The following AFG1L variants were observed in gnomAD, a reference collection of about 807,000 sequenced individuals.
AFG1L encodes the protein AFG1 like ATPase.
AFG1L carries 53 observed loss-of-function variants against 62.2 expected under a neutral mutation model. The ratio of observed to expected loss-of-function variants is 0.85; its 90% CI spans 0.68 to 1.07. AFG1L has a LOEUF of 1.07. AFG1L is among the 50% of genes least tolerant of loss of function. The pLI, the probability that AFG1L is intolerant of heterozygous loss-of-function variation, is 0.00. For missense variants in AFG1L, 555 were observed against 590.5 expected (o/e 0.94, Z 0.62); for synonymous variants, 228 against 210.3 (o/e 1.08, Z -0.73).
At chr6:108,482,797 A>T (rs1773377937) in intron 10 of AFG1L, among the ~76,000 whole-genome samples, 2 of 152,168 alleles carry the variant, frequency 1.3e-5, no homozygotes, top group African/African-American at 4.8e-5. Context: ...ATCAAGTACT[A>T]CTTTCATCAC....
At chr6:108,395,403 C>CTTTTTTTTTTTTTTTTTT (rs71551344) in intron 6 of AFG1L, among the ~76,000 whole-genome samples, 17 of 122,920 alleles carry the variant, frequency 1.4e-4, no homozygotes, top group East Asian at 2.3e-4. Context: ...CTTTTCTTTT[C>CTTTTTTTTTTTTTTTTTT]TTTTTTTTTT....
At chr6:108,474,095 C>T (rs998371676) in intron 8 of AFG1L, among the ~76,000 whole-genome samples, 3 of 152,290 alleles carry the variant, frequency 2.0e-5, no homozygotes, top group Middle Eastern at 3.4e-3. Flanking sequence ...CATGTGTTCT[C>T]ATTGTTCAGC....
intron 8 of AFG1L, among the ~76,000 whole-genome samples, chr6:108,472,211 G>A (rs1287387031): frequency 6.6e-6 from 1 of 152,138 alleles, no homozygotes; most frequent in Non-Finnish European, 1.5e-5. Flanking sequence ...AGGGATGGGG[G>A]TTGAGTGAGG....
chr6:108,405,235 G>A (rs1395321931), intron 7 of AFG1L, among the ~76,000 whole-genome samples: 2 of 152,090 alleles, frequency 1.3e-5, no homozygotes, highest in Non-Finnish European at 2.9e-5. Context: ...CTGATTTTTG[G>A]TATAAGTGAT....
intron 1 of AFG1L, among the ~76,000 whole-genome samples, chr6:108,318,987 G>A (rs1777710234): frequency 1.3e-5 from 2 of 152,200 alleles, no homozygotes; most frequent in Non-Finnish European, 2.9e-5. Context: ...TGTCAGCCTT[G>A]AGTATCTTGC....
At chr6:108,316,329 C>T (rs1300034460) in intron 1 of AFG1L, among the ~76,000 whole-genome samples, 5 of 117,832 alleles carry the variant, frequency 4.2e-5, no homozygotes, top group Non-Finnish European at 8.4e-5. Flanking sequence ...TGCAGTGAGC[C>T]GAGATCCCGC....
chr6:108,517,165 A>G (rs1774929081), intron 11 of AFG1L, among the ~76,000 whole-genome samples: 1 of 152,232 alleles, frequency 6.6e-6, no homozygotes, highest in Non-Finnish European at 1.5e-5. Flanking sequence ...TAAAGTTCAT[A>G]TGGAACCAAA....
At chr6:108,483,022 C>A (rs1364340838) in intron 10 of AFG1L, among the ~76,000 whole-genome samples, 1 of 152,070 alleles carries the variant, frequency 6.6e-6, no homozygotes, top group Non-Finnish European at 1.5e-5. Context: ...TATTAAAATA[C>A]ATTTCCCTCT....
At position 108,522,487 on chromosome 6, in the gene AFG1L, G is replaced by T; in HGVS notation, c.*62G>T. ...GTTAACGCAGGCAGAACTCCTTATT[G>T]TGGGACTTGAAGGAATCATTTTCTC... is the stretch of plus-strand genomic sequence containing the variant. On this transcript the variant is annotated 3_prime_UTR_variant, in exon 13 of 13. Coordinates refer to ENST00000368977, the MANE Select transcript of AFG1L (RefSeq NM_145315.5). 2 of 1,535,502 alleles carry T rather than the reference G, an allele frequency of 1.3e-6. No individual in the cohort carries two copies. The highest frequency in any genetic ancestry group is 2.4e-5 in the South Asian group (2 of 82,714).
intron 11 of AFG1L, among the ~76,000 whole-genome samples, chr6:108,516,185 A>G (rs1774881524): frequency 1.3e-5 from 2 of 152,240 alleles, no homozygotes; most frequent in Non-Finnish European, 2.9e-5. Context: ...AAAGACTGGC[A>G]GAGACACAAC....
intron 1 of AFG1L, among the ~76,000 whole-genome samples, chr6:108,316,699 AT>A (rs1272601894): frequency 2.0e-5 from 3 of 151,454 alleles, no homozygotes; most frequent in Non-Finnish European, 4.4e-5. Flanking sequence ...CGCCTGGCTA[AT>A]TTTTTGTATT....
chr6:108,522,239 G>C lies in AFG1L; in HGVS notation c.1318-58G>C. ...AAAAGTTTTTTTAAACCTATACTTA[G>C]GTTCTGTAAATTTTCATTTGTGATA... On this transcript the variant is annotated intron_variant, in intron 12 of 12. Transcript: ENST00000368977. 4 of 1,564,226 alleles carry C rather than the reference G, an allele frequency of 2.6e-6. No homozygotes were observed. In the South Asian group the frequency reaches 3.4e-5, roughly 13 times the overall value.
At position 108,295,194 on chromosome 6, in the gene AFG1L, GC is replaced by G. The variant is rs1776716826; in HGVS notation, c.119del (p.Pro40LeufsTer17). The part of the protein sequence containing the change: ...WAAALAPLAT[A>X]PGKPFWKAYT... ...CGCCGCTCTCGCTCCTCTGGCCACCGCCCCTGGGAAGCCCTTTTGGAAAGGT... is the reference window on the plus strand; with the variant it reads ...CGCCGCTCTCGCTCCTCTGGCCACCGCCCTGGGAAGCCCTTTTGGAAAGGT... On this transcript the variant is annotated frameshift_variant, in exon 1 of 13. Transcript: ENST00000368977. LOFTEE classifies it high-confidence loss of function. 7 of 1,605,460 alleles carry G rather than the reference GC, an allele frequency of 4.4e-6. No individual in the cohort carries two copies. Among genetic ancestry groups the G allele is most frequent in the Non-Finnish European group, 5.9e-6 (7 of 1,179,746 alleles).
Position 108,522,724 on chromosome 6 carries a change from C to A in AFG1L, c.*299C>A. 5.4e-6 allele frequency: 1 copy of A among 186,248 alleles called. No homozygotes were observed. Among genetic ancestry groups the A allele is most frequent in the Non-Finnish European group, 1.1e-5 (1 of 89,352 alleles). 11.5% of individuals were successfully genotyped at this position (186,248 alleles called of 1,614,324 possible). A position where few individuals can be genotyped will look rare whatever the true frequency, so the allele number is the denominator to read the frequency against. On this transcript the variant is annotated 3_prime_UTR_variant, in exon 13 of 13. Coordinates refer to ENST00000368977, the MANE Select transcript of AFG1L (RefSeq NM_145315.5). Reference sequence around the variant, plus strand: ...CTTCACATTAAACCACCTGAATGAACCTTGAATGCACAAGTAAATGCAAGA... The same window carrying A: ...CTTCACATTAAACCACCTGAATGAAACTTGAATGCACAAGTAAATGCAAGA...
intron 1 of AFG1L, chr6:108,319,820 G>A: frequency 2.3e-6 from 1 of 428,246 alleles, no homozygotes. Flanking sequence ...TTTATTTTGA[G>A]ACATAAGTAA....
intron 6 of AFG1L, among the ~76,000 whole-genome samples, chr6:108,400,809 AAT>A (rs1176728893): frequency 4.1e-5 from 1 of 24,184 alleles, no homozygotes; most frequent in East Asian, 4.9e-4. Flanking sequence ...ATATATAATA[AAT>A]ATATATAATA....
chr6:108,502,737 T>C (rs973449523), intron 10 of AFG1L, among the ~76,000 whole-genome samples: 6 of 152,240 alleles, frequency 3.9e-5, no homozygotes, highest in Admixed American at 2.6e-4. Context: ...TGAACTTTGC[T>C]GTACAATGGA....
At chr6:108,373,004 T>A (rs1780079031) in intron 6 of AFG1L, 1 of 152,262 alleles carries the variant, frequency 6.6e-6, no homozygotes, top group Non-Finnish European at 1.5e-5. Flanking sequence ...CCTAGATTTT[T>A]ATTTTTATTT....
At position 108,519,749 on chromosome 6, in the gene AFG1L, A is replaced by G. The variant is rs1293835946; in HGVS notation, c.1256A>G (p.Gln419Arg). The change falls in exon 12 of 13, where the codon CAA becomes CGA. Residue 419 changes from glutamine to arginine, a missense_variant. Coordinates refer to ENST00000368977, the MANE Select transcript of AFG1L (RefSeq NM_145315.5). ...STPISSLFLHQHHDSELEQSR... is the reference protein window; with the variant it reads ...STPISSLFLHRHHDSELEQSR... ...CCTATATCAAGCTTATTTTTGCATC[A>G]ACATCATGACAGTGAGTTGGAGCAA... The G allele has an allele frequency of 6.2e-7, 1 of 1,613,448 alleles. No individual in the cohort carries two copies. Among genetic ancestry groups the G allele is most frequent in the Non-Finnish European group, 8.5e-7 (1 of 1,179,760 alleles).
Sources: gnomAD v4.1 joint callset for allele counts (sites outside exome capture counted in the v4.1 genomes callset) on GRCh38, gnomAD v4.1.1 for gene constraint, MANE v1.5 for transcripts, NCBI Gene and HGNC (gene_info 2026-07-23, HGNC 2026-07-21) for gene names.